KLHL5: variants seen among roughly 807,000 people sequenced by gnomAD.
KLHL5 encodes kelch like family member 5.
KLHL5 carries 48 observed loss-of-function variants against 77.7 expected under a neutral mutation model. The observed-to-expected ratio is 0.62, with a 90% CI of 0.49 to 0.79. The LOEUF (loss-of-function observed/expected upper bound fraction) is 0.79. Among genes scored for constraint, KLHL5 ranks in the 30% least tolerant of loss-of-function variants. The probability of loss-of-function intolerance (pLI) is 0.00; values close to 1 mark genes in which losing one functional copy is unlikely to be tolerated. For missense variants in KLHL5, 723 were observed against 859.7 expected (o/e 0.84, Z 1.99); for synonymous variants, 260 against 297.0 (o/e 0.88, Z 1.28).
upstream of KLHL5, among the ~76,000 whole-genome samples, chr4:39,061,040 CTA>C (rs1236764796): frequency 6.6e-6 from 1 of 152,162 alleles, no homozygotes; most frequent in Non-Finnish European, 1.5e-5. Flanking sequence ...CTGTAGAAAT[CTA>C]TCATTCTACC....
In KLHL5 at chr4:39,121,853, T is replaced by C. The variant is rs1047670106; in HGVS notation, c.*787T>C. 3 of 152,636 alleles carry C rather than the reference T, an allele frequency of 2.0e-5. No homozygotes were observed. Among genetic ancestry groups the C allele is most frequent in the African/African-American group, 7.2e-5 (3 of 41,468 alleles). 9.5% of individuals were successfully genotyped at this position (152,636 alleles called of 1,614,324 possible). On this transcript the variant is annotated 3_prime_UTR_variant, in exon 11 of 11. Transcript: ENST00000504108. Reference sequence around the variant, plus strand: ...ACCCTATAATCTTTCACCTAATTAGTATTTAATTATATGGATTTGTTTTAT... The same window carrying C: ...ACCCTATAATCTTTCACCTAATTAGCATTTAATTATATGGATTTGTTTTAT...
intron 4 of KLHL5, among the ~76,000 whole-genome samples, chr4:39,082,407 T>C (rs1268136983): frequency 6.6e-6 from 1 of 152,150 alleles, no homozygotes. Flanking sequence ...CCTAGGACTG[T>C]TCCATTAAGA....
upstream of KLHL5, among the ~76,000 whole-genome samples, chr4:39,060,100 T>C (rs918214876): frequency 2.0e-5 from 3 of 152,170 alleles, no homozygotes; most frequent in Non-Finnish European, 4.4e-5. Flanking sequence ...TAATGAAATA[T>C]CATGTAACTC....
chr4:39,064,409 A>G (rs1230486426), intron 1 of KLHL5, among the ~76,000 whole-genome samples: 1 of 152,160 alleles, frequency 6.6e-6, no homozygotes, highest in Non-Finnish European at 1.5e-5. Flanking sequence ...AAAGAGAACA[A>G]TTTATATAGT....
chr4:39,103,177 A>T (rs1721744534), intron 6 of KLHL5, 110 bp from the exon 7 acceptor site: 1 of 857,438 alleles, frequency 1.2e-6, no homozygotes. Context: ...AATATAATAA[A>T]ATTATTATTC....
At position 39,081,966 on chromosome 4, in the gene KLHL5, G is replaced by C; in HGVS notation, c.707G>C (p.Arg236Pro). 6.3e-7 allele frequency: 1 copy of C among 1,581,082 alleles called. No individual in the cohort carries two copies. Among genetic ancestry groups the C allele is most frequent in the Non-Finnish European group, 8.6e-7 (1 of 1,166,190 alleles). The stretch of plus-strand genomic sequence containing the variant: ...GGAATTTCTTTTTATCATTAAGGCC[G>C]CCTTGAATTAAAAGAAGATAATATT... Reference protein sequence around the residue: ...WSLIQYAYTGRLELKEDNIEC... With the variant: ...WSLIQYAYTGPLELKEDNIEC... The change falls in exon 4 of 11, where the codon CGC becomes CCC. Residue 236 changes from arginine (R) to proline (P), a missense_variant. By Grantham distance (103) the Arg-to-Pro change is moderately radical. Around this residue, in one of 3 missense-constraint regions of KLHL5, gnomAD observed 288 missense variants for 400.3 expected, o/e 0.72. Transcript: ENST00000504108. The surrounding 1 kb of genome is among the most constrained non-coding windows in gnomAD (Gnocchi z 4.3).
At chr4:39,134,790 G>C in the KLHL5 span, among the ~76,000 whole-genome samples, 11 of 152,228 alleles carry the variant, frequency 7.2e-5, no homozygotes, top group African/African-American at 2.4e-4. Flanking sequence ...TGACTTGGGT[G>C]CAGAGGGCTG....
intron 1 of KLHL5, among the ~76,000 whole-genome samples, chr4:39,052,854 C>A (rs1004976387): frequency 6.6e-6 from 1 of 152,134 alleles, no homozygotes; most frequent in Non-Finnish European, 1.5e-5. Context: ...ATCTCCTTCC[C>A]CCCATTGGAG....
At chr4:39,096,948 C>G in intron 6 of KLHL5, 70 bp downstream of exon 6, 1 of 1,265,206 alleles carries the variant, frequency 7.9e-7, no homozygotes, top group Non-Finnish European at 1.1e-6. Context: ...GTATATATGG[C>G]CAAAGAACTC....
chr4:39,053,146 G>C (rs570214407), intron 1 of KLHL5, among the ~76,000 whole-genome samples: 59 of 152,216 alleles, frequency 3.9e-4, no homozygotes, highest in Non-Finnish European at 5.0e-4. Context: ...TTGAGAAATA[G>C]TGCTTCACAT....
At chr4:39,071,973 T>C (rs984923140) in intron 1 of KLHL5, among the ~76,000 whole-genome samples, 10 of 152,190 alleles carry the variant, frequency 6.6e-5, no homozygotes, top group Non-Finnish European at 1.5e-4. Context: ...TCCTCTGTTG[T>C]TATGTAAAAG....
chr4:39,104,838 T>C (rs1277284608), intron 7 of KLHL5, among the ~76,000 whole-genome samples: 2 of 152,114 alleles, frequency 1.3e-5, no homozygotes, highest in African/African-American at 4.8e-5. Flanking sequence ...CAATCTCGGC[T>C]CACTGCAACT....
chr4:39,142,572 G>A, the KLHL5 span, among the ~76,000 whole-genome samples: 1 of 152,088 alleles, frequency 6.6e-6, no homozygotes, highest in African/African-American at 2.4e-5. Flanking sequence ...CACTCGTGGT[G>A]TCACTCATGG....
In KLHL5 at chr4:39,125,256, G is replaced by GTAGC. The variant is rs1723468412; in HGVS notation, c.*4191_*4194dup. Among the ~76,000 whole-genome samples, 1 of 151,274 alleles carries GTAGC rather than the reference G, an allele frequency of 6.6e-6. No homozygotes were observed. Among genetic ancestry groups the GTAGC allele is most frequent in the African/African-American group, 2.4e-5 (1 of 41,290 alleles). ...GTTGTTGGTGGGAATGTTAAATGGT[G>GTAGC]TAGCCACTGTGGAAAACAGTTTGGC... On this transcript the variant is annotated 3_prime_UTR_variant, in exon 11 of 11. Coordinates refer to ENST00000504108, the MANE Select transcript of KLHL5 (RefSeq NM_015990.5).
At chr4:39,132,142 A>G in the KLHL5 span, among the ~76,000 whole-genome samples, 1 of 152,068 alleles carries the variant, frequency 6.6e-6, no homozygotes, top group South Asian at 2.1e-4. Flanking sequence ...CCAGAAGAAC[A>G]CCTACCTCAC....
chr4:39,075,335 CAAAAAAA>C (rs10718590), intron 1 of KLHL5, among the ~76,000 whole-genome samples: 1 of 139,894 alleles, frequency 7.1e-6, no homozygotes, highest in Non-Finnish European at 1.6e-5. Flanking sequence ...CCGTCTCAAA[CAAAAAAA>C]AAAAAAAGAA....
At chr4:39,142,862 A>G in the KLHL5 span, among the ~76,000 whole-genome samples, 252 of 152,272 alleles carry the variant, frequency 1.7e-3, no homozygotes, top group African/African-American at 5.8e-3. Flanking sequence ...AAAAAATAAC[A>G]TAATTACAGA....
chr4:39,113,356 A>C, intron 9 of KLHL5, 124 bp downstream of exon 9: 1 of 734,894 alleles, frequency 1.4e-6, no homozygotes, highest in South Asian at 1.9e-5. Context: ...ATGCAAAGCA[A>C]CTTCACTTTA....
chr4:39,081,888 C>G lies in KLHL5; in HGVS notation c.704-75C>G, dbSNP rs914688078. On this transcript the variant is annotated intron_variant, in intron 3 of 10. Transcript: ENST00000504108. The surrounding 1 kb of genome is among the most constrained non-coding windows in gnomAD (Gnocchi z 4.3). ...AATGAGCTCTTATATGGAACCACTA[C>G]TGTTAACATCAATTATTTTATAAAA... 9.2e-7 allele frequency: 1 copy of G among 1,087,930 alleles called. No individual in the cohort carries two copies. Among genetic ancestry groups the G allele is most frequent in the Admixed American group, 2.8e-5 (1 of 35,848 alleles). 67.4% of individuals were successfully genotyped at this position (1,087,930 alleles called of 1,614,324 possible). A position where few individuals can be genotyped will look rare whatever the true frequency, so the allele number is the denominator to read the frequency against.
Sources: gnomAD v4.1 joint callset for allele counts (sites outside exome capture counted in the v4.1 genomes callset) on GRCh38, gnomAD v4.1.1 for gene constraint, gnomAD v4.1.1 regional missense constraint, Gnocchi (gnomAD v3.1) non-coding constraint, MANE v1.5 for transcripts, NCBI Gene and HGNC (gene_info 2026-07-23, HGNC 2026-07-21) for gene names.